KRT83: variants seen among roughly 807,000 people sequenced by gnomAD.
The protein encoded by KRT83 is keratin 83.
Under a neutral mutation model 52.9 loss-of-function variants are expected in KRT83, and 51 were observed. That is an observed-to-expected ratio of 0.96 (90% confidence interval 0.77 to 1.22). The LOEUF (loss-of-function observed/expected upper bound fraction) is 1.22, where lower values mean the gene tolerates loss of function less well. KRT83 is among the 50% of genes most tolerant of loss of function. The pLI is 0.00. For missense variants in KRT83, 654 were observed against 666.5 expected (o/e 0.98, Z 0.21); for synonymous variants, 278 against 274.1 (o/e 1.01, Z -0.14).
At position 52,316,337 on chromosome 12, in the gene KRT83, A is replaced by G. The variant is rs146561338; in HGVS notation, c.1041+131T>C. On this transcript the variant is annotated intron_variant, in intron 6 of 8. Coordinates refer to ENST00000293670, the MANE Select transcript of KRT83 (RefSeq NM_002282.3). ...CCAAGACAATCAGAAATATTTCAGT[A>G]GATTTCTCATCTTACTCTGTCACCC... is the stretch of plus-strand genomic sequence containing the variant. The G allele has an allele frequency of 2.3e-4, 323 of 1,382,572 alleles. No individual in the cohort carries two copies. The African/African-American group carries it at 4.2e-3, about 18-fold the overall frequency. The allele number at this position is 1,382,572 out of a possible 1,614,324, so 85.6% of individuals were successfully genotyped here. A position where few individuals can be genotyped will look rare whatever the true frequency, so the allele number is the denominator to read the frequency against.
chr12:52,314,761 C>A lies in KRT83; in HGVS notation c.1352G>T (p.Arg451Leu). 1 of 1,603,272 alleles carries A rather than the reference C, an allele frequency of 6.2e-7. No homozygotes were observed. The highest frequency in any genetic ancestry group is 8.5e-7 in the Non-Finnish European group (1 of 1,175,666). The stretch of plus-strand genomic sequence containing the variant: ...ACTGCAGACGCTGCCCGTCACCGGC[C>A]GGGAGCCCGACACGCAGAGATCCCC... Reference protein sequence around the residue: ...VCGDLCVSGSRPVTGSVCSAP... With the variant: ...VCGDLCVSGSLPVTGSVCSAP... The change falls in exon 9 of 9, where the codon CGG becomes CTG. Residue 451 changes from arginine to leucine, a missense_variant. By Grantham distance (102) the Arg-to-Leu change is moderately radical. Coordinates refer to ENST00000293670, the MANE Select transcript of KRT83 (RefSeq NM_002282.3).
chr12:52,315,786 G>T, intron 7 of KRT83, 107 bp downstream of exon 7: 1 of 1,450,838 alleles, frequency 6.9e-7, no homozygotes, highest in Non-Finnish European at 9.6e-7. Flanking sequence ...ATGGATCTGG[G>T]ATCCATAGAG....
intron 7 of KRT83, 84 bp from the exon 8 acceptor site, chr12:52,315,427 C>A: frequency 1.5e-6 from 2 of 1,357,390 alleles, no homozygotes; most frequent in South Asian, 1.2e-5. Flanking sequence ...TGAAATGGGT[C>A]ATCTCAGGGC....
At chr12:52,317,120 C>T (rs1938700672) in intron 4 of KRT83, 97 bp from the exon 5 acceptor site, 1 of 1,504,142 alleles carries the variant, frequency 6.6e-7, no homozygotes, top group Non-Finnish European at 9.2e-7. Flanking sequence ...GAGTGAACTT[C>T]TCATGTTTAG....
chr12:52,316,416 A>T, intron 6 of KRT83, 52 bp downstream of exon 6: 3 of 1,613,394 alleles, frequency 1.9e-6, no homozygotes, highest in Non-Finnish European at 2.5e-6. Flanking sequence ...CCCTCTGCCG[A>T]GGGCTAACCC....
In KRT83 at chr12:52,321,202, C is replaced by A. The variant is rs1452071298; in HGVS notation, c.134G>T (p.Gly45Val). Residue 45 changes from glycine to valine, a missense_variant, in exon 1 of 9, where the codon GGC becomes GTC. By Grantham distance (109) the Gly-to-Val change is moderately radical. Transcript: ENST00000293670. ...GTGGCTGCCAAAGCCCCCGGTGAGG[C>A]CGCGGTAGCAGGAGATGCCGCGGTA... ...APYRGISCYR[G>V]LTGGFGSHSV... is the part of the protein sequence containing the mutation. The A allele has an allele frequency of 6.2e-7, 1 of 1,612,982 alleles. No homozygotes were observed. The highest frequency in any genetic ancestry group is 8.5e-7 in the Non-Finnish European group (1 of 1,179,538).
intron 2 of KRT83, 35 bp from the exon 3 acceptor site, chr12:52,318,005 A>G: frequency 6.3e-7 from 1 of 1,588,772 alleles, no homozygotes; most frequent in African/African-American, 1.3e-5. Flanking sequence ...CCTTGTCTGA[A>G]CAGCTCTTGA....
rs181439241 is a variant in KRT83, at chr12:52,319,229, C to G, written c.520G>C (p.Val174Leu). ...GCCAGCCTCCCACTGTCAGCCTCCA[C>G]GCACTCGGCCTCCCGCCGCAGAGTC... ...IETLRREAECVEADSGRLASE... is the reference protein window; with the variant it reads ...IETLRREAECLEADSGRLASE... Residue 174 changes from valine to leucine, a missense_variant, in exon 2 of 9, where the codon GTG becomes CTG. Val to Leu is a conservative substitution (Grantham distance 32). Coordinates refer to ENST00000293670, the MANE Select transcript of KRT83 (RefSeq NM_002282.3). 199 of 1,613,696 alleles carry G rather than the reference C, an allele frequency of 1.2e-4. No homozygotes were observed. The highest frequency in any genetic ancestry group is 1.6e-4 in the Non-Finnish European group (190 of 1,179,908).
chr12:52,316,728 C>T (rs1324805207), intron 5 of KRT83, 131 bp downstream of exon 5: 5 of 1,593,178 alleles, frequency 3.1e-6, no homozygotes, highest in East Asian at 2.2e-5. Context: ...GCCACCCCAA[C>T]ATGAGAGCTA....
chr12:52,319,484 C>T (rs1487556951), intron 1 of KRT83, 120 bp from the exon 2 acceptor site: 12 of 1,400,760 alleles, frequency 8.6e-6, no homozygotes, highest in African/African-American at 2.9e-5. Flanking sequence ...CCCTGGAAGG[C>T]GTTATGTCAT....
chr12:52,314,832 G>A lies in KRT83; in HGVS notation c.1295-14C>T. The A allele has an allele frequency of 1.3e-6, 2 of 1,596,838 alleles. No homozygotes were observed. Among genetic ancestry groups the A allele is most frequent in the Admixed American group, 1.7e-5 (1 of 58,182 alleles). ...AGCTGCTGACACCTGTGGGAACAAG[G>A]GCAGGGTCAAGAGACCCCTGCTGAT... On this transcript the variant is annotated splice_polypyrimidine_tract_variant and intron_variant, in intron 8 of 8. Coordinates refer to ENST00000293670, the MANE Select transcript of KRT83 (RefSeq NM_002282.3).
intron 8 of KRT83, 42 bp downstream of exon 8, chr12:52,315,270 T>C: frequency 6.3e-7 from 1 of 1,598,268 alleles, no homozygotes; most frequent in Non-Finnish European, 8.6e-7. Context: ...AAGTCCTTTG[T>C]CCCCAGTCTA....
chr12:52,316,224 A>T (rs1489100185), intron 6 of KRT83, 111 bp from the exon 7 acceptor site: 3 of 1,433,016 alleles, frequency 2.1e-6, no homozygotes, highest in African/African-American at 1.5e-5. Context: ...TATCTCTCCA[A>T]TCAGCTTCCT....
In KRT83 at chr12:52,314,351, G is replaced by A; in HGVS notation, c.*280C>T. ...GGGGAGACAAGAGGCCAGAGAGGCA[G>A]GGGGAACAGTCTCACAGTGCTTCTT... On this transcript the variant is annotated 3_prime_UTR_variant, in exon 9 of 9. Transcript: ENST00000293670. 1.9e-6 allele frequency: 1 copy of A among 534,584 alleles called. No homozygotes were observed. Among genetic ancestry groups the A allele is most frequent in the South Asian group, 2.1e-5 (1 of 48,636 alleles). 33.1% of individuals were successfully genotyped at this position (534,584 alleles called of 1,614,324 possible). A position where few individuals can be genotyped will look rare whatever the true frequency, so the allele number is the denominator to read the frequency against.
At chr12:52,315,271 C>A (rs769599188) in intron 8 of KRT83, 41 bp downstream of exon 8, 3 of 1,600,596 alleles carry the variant, frequency 1.9e-6, no homozygotes, top group South Asian at 1.1e-5. Flanking sequence ...AGTCCTTTGT[C>A]CCCAGTCTAC....
intron 6 of KRT83, 53 bp downstream of exon 6, chr12:52,316,415 G>C: frequency 6.2e-7 from 1 of 1,613,402 alleles, no homozygotes; most frequent in Non-Finnish European, 8.5e-7. Flanking sequence ...TCCCTCTGCC[G>C]AGGGCTAACC....
At position 52,321,243 on chromosome 12, in the gene KRT83, G is replaced by A. The variant is rs1938766062; in HGVS notation, c.93C>T (p.Cys31=). ...TGCCGCGGTAGGGGGCGGCGGTGAT[G>A]CAGCAGCGGCTTGGCCGGGGCCCGC... is the stretch of plus-strand genomic sequence containing the variant. ...SACGPRPSRC[C]ITAAPYRGIS... is the part of the protein sequence containing the mutation. The change falls in exon 1 of 9, where the codon TGC becomes TGT. Residue 31 remains cysteine (C), a synonymous_variant. Transcript: ENST00000293670. The A allele has an allele frequency of 6.2e-7, 1 of 1,613,456 alleles. No homozygotes were observed. The highest frequency in any genetic ancestry group is 1.7e-5 in the Admixed American group (1 of 60,016).
At chr12:52,319,946 C>T (rs10876278) in intron 1 of KRT83, among the ~76,000 whole-genome samples, 18,737 of 152,210 alleles carry the variant, frequency 0.12, 1,556 homozygotes, top group East Asian at 0.41. Flanking sequence ...GGTTCCCTGA[C>T]TGCCTGAGAG....
rs191425339 is a variant in KRT83 at position 52,315,320 on chromosome 12, A to T, written c.1286T>A (p.Val429Glu). 2.2e-5 allele frequency: 36 copies of T among 1,613,810 alleles called. No individual in the cohort carries two copies. The East Asian group carries it at 7.8e-4, about 35-fold the overall frequency. ...GGGCTCAAGATACTTACAGACATTC[A>T]CAGCTTCAACACCTTCACACAGCCT... ...EQRLCEGVEA[V>E]NVCVSSSRGG... Residue 429 changes from valine to glutamate, a missense_variant, in exon 8 of 9, where the codon GTG (valine) becomes GAG (glutamate). Coordinates refer to ENST00000293670, the MANE Select transcript of KRT83 (RefSeq NM_002282.3).
Sources: allele counts gnomAD v4.1 joint callset (sites outside exome capture counted in the v4.1 genomes callset), GRCh38; gene constraint gnomAD v4.1.1; transcripts MANE v1.5; gene names NCBI Gene and HGNC (gene_info 2026-07-23, HGNC 2026-07-21).